Variants in KLHL3 observed in about 807,000 individuals in gnomAD.
KLHL3 encodes the protein kelch-like protein 3.
KLHL3 carries 19 observed loss-of-function variants against 70.5 expected under a neutral mutation model. The ratio of observed to expected loss-of-function variants is 0.27; its 90% confidence interval spans 0.19 to 0.40. The LOEUF is 0.40. Among genes scored for constraint, KLHL3 ranks in the 10% least tolerant of loss-of-function variants. The pLI is 1.00. For synonymous variants in KLHL3, 258 were observed against 290.3 expected (o/e 0.89, Z 1.13); for missense variants, 512 against 771.1 (o/e 0.66, Z 3.98).
chr5:137,681,735 C>T (rs1335729031), intron 5 of KLHL3, among the ~76,000 whole-genome samples: 1 of 152,000 alleles, frequency 6.6e-6, no homozygotes, highest in South Asian at 2.1e-4. Context: ...CTTATCGTTT[C>T]GCTTCTTTTT....
chr5:137,662,491 T>C lies in KLHL3; in HGVS notation c.637-460A>G, dbSNP rs185302155. Among the ~76,000 whole-genome samples the C allele has an allele frequency of 4.6e-5, 7 of 152,306 alleles. No individual in the cohort carries two copies. In the East Asian group the frequency reaches 1.4e-3, roughly 29 times the overall value. ...TCACTTATGTCCCGTGTAAAGTTAA[T>C]GTAGAATAAAAACAGTAAGAATGCC... On this transcript the variant is annotated intron_variant, in intron 6 of 14. Coordinates refer to ENST00000309755, the MANE Select transcript of KLHL3 (RefSeq NM_017415.3).
intron 6 of KLHL3, among the ~76,000 whole-genome samples, chr5:137,663,056 C>CTT (rs139890036): frequency 4.1e-3 from 319 of 77,928 alleles, no homozygotes; most frequent in Non-Finnish European, 4.8e-3. Context: ...AGCACTCGTT[C>CTT]TTTTTTTTTT....
intron 5 of KLHL3, among the ~76,000 whole-genome samples, chr5:137,689,537 G>A (rs1433312918): frequency 6.6e-6 from 1 of 152,216 alleles, no homozygotes; most frequent in Non-Finnish European, 1.5e-5. Flanking sequence ...CATGGACACA[G>A]CTGGAAGCCA....
At chr5:137,714,290 G>T (rs1752853168) in intron 2 of KLHL3, among the ~76,000 whole-genome samples, 1 of 152,038 alleles carries the variant, frequency 6.6e-6, no homozygotes, top group Non-Finnish European at 1.5e-5. Flanking sequence ...TTCCTCCAAA[G>T]ATTAAAGTTG....
intron 2 of KLHL3, among the ~76,000 whole-genome samples, chr5:137,710,740 A>T (rs993083038): frequency 6.6e-6 from 1 of 152,158 alleles, no homozygotes; most frequent in African/African-American, 2.4e-5. Context: ...ATAATAGTTA[A>T]TATTTATTGA....
At chr5:137,709,990 T>C in intron 2 of KLHL3, 134 bp from the exon 3 acceptor site, 1 of 699,424 alleles carries the variant, frequency 1.4e-6, no homozygotes, top group East Asian at 2.7e-5. Context: ...TTGCTCTATC[T>C]TGAGTTAGGG....
At chr5:137,633,137 G>A (rs748737669) in intron 12 of KLHL3, among the ~76,000 whole-genome samples, 79 of 151,894 alleles carry the variant, frequency 5.2e-4, no homozygotes, top group Admixed American at 2.2e-3. Flanking sequence ...AAAATTTGCC[G>A]GGCATGGTGG....
chr5:137,687,755 C>T (rs1353826196), intron 5 of KLHL3, among the ~76,000 whole-genome samples: 2 of 50,196 alleles, frequency 4.0e-5, no homozygotes, highest in Admixed American at 3.9e-4. Context: ...ATTGAGAAAT[C>T]GGATGGTTGC....
chr5:137,682,791 C>A (rs1752064972), intron 5 of KLHL3, among the ~76,000 whole-genome samples: 1 of 152,168 alleles, frequency 6.6e-6, no homozygotes, highest in African/African-American at 2.4e-5. Flanking sequence ...TCTGTATATA[C>A]CGAGCTCTAA....
chr5:137,645,455 A>C (rs1751019768), intron 8 of KLHL3, among the ~76,000 whole-genome samples: 2 of 152,230 alleles, frequency 1.3e-5, no homozygotes, highest in South Asian at 4.1e-4. Context: ...TGAATTGGCA[A>C]AGTGGCAGGA....
chr5:137,676,511 G>A (rs966250985), intron 6 of KLHL3, among the ~76,000 whole-genome samples: 1 of 152,192 alleles, frequency 6.6e-6, no homozygotes, highest in African/African-American at 2.4e-5. Context: ...CAATGAAAAG[G>A]AGAACAAGGT....
chr5:137,679,683 C>A (rs1187243641), intron 5 of KLHL3, among the ~76,000 whole-genome samples: 1 of 152,158 alleles, frequency 6.6e-6, no homozygotes, highest in Non-Finnish European at 1.5e-5. Flanking sequence ...GTAGTCAGCA[C>A]CCCACCTCCA....
At chr5:137,686,838 G>A (rs1287078837) in intron 5 of KLHL3, among the ~76,000 whole-genome samples, 1 of 152,214 alleles carries the variant, frequency 6.6e-6, no homozygotes, top group Non-Finnish European at 1.5e-5. Context: ...TAACATCTTT[G>A]CATCATGGCC....
At position 137,618,419 on chromosome 5, in the gene KLHL3, C is replaced by T. The variant is rs934047696; in HGVS notation, c.*3679G>A. ...CAGAGCCTGGAGTAGAGACATAGCT[C>T]AAGAAGCAAGTTGTAAGTGTAGTGT... On this transcript the variant is annotated 3_prime_UTR_variant, in exon 15 of 15. Transcript: ENST00000309755. 1 of 152,050 alleles carries T rather than the reference C, an allele frequency of 6.6e-6. No homozygotes were observed. 9.4% of individuals were successfully genotyped at this position (152,050 alleles called of 1,614,324 possible). A position where few individuals can be genotyped will look rare whatever the true frequency, so the allele number is the denominator to read the frequency against.
rs189583682 is a variant in KLHL3 at position 137,680,161 on chromosome 5, C to G, written c.527-2507G>C. On this transcript the variant is annotated intron_variant, in intron 5 of 14. Coordinates refer to ENST00000309755, the MANE Select transcript of KLHL3 (RefSeq NM_017415.3). Reference sequence around the variant, plus strand: ...TCCACAGCTGCTTCCTGGAAAGAACCCACTTTGCTCCCAGAAGATACCTTC... The same window carrying G: ...TCCACAGCTGCTTCCTGGAAAGAACGCACTTTGCTCCCAGAAGATACCTTC... Among the ~76,000 whole-genome samples the G allele has an allele frequency of 1.6e-3, 238 of 152,338 alleles. 1 individual carries two copies. The highest frequency in any genetic ancestry group is 5.6e-3 in the African/African-American group (231 of 41,582).
At chr5:137,640,861 C>A (rs186921906) in intron 8 of KLHL3, among the ~76,000 whole-genome samples, 1 of 152,094 alleles carries the variant, frequency 6.6e-6, no homozygotes, top group African/African-American at 2.4e-5. Context: ...ATGACCAGCA[C>A]ATATATTTTT....
intron 8 of KLHL3, among the ~76,000 whole-genome samples, chr5:137,653,482 G>A (rs1349558497): frequency 6.6e-6 from 1 of 152,118 alleles, no homozygotes; most frequent in Non-Finnish European, 1.5e-5. Context: ...AAATATGGGT[G>A]GCAAATAGGC....
chr5:137,689,529 T>C (rs1321724758), intron 5 of KLHL3, among the ~76,000 whole-genome samples: 1 of 152,204 alleles, frequency 6.6e-6, no homozygotes. Flanking sequence ...TGCAGTAACA[T>C]GGACACAGCT....
At chr5:137,683,854 T>C (rs1752097233) in intron 5 of KLHL3, among the ~76,000 whole-genome samples, 1 of 151,948 alleles carries the variant, frequency 6.6e-6, no homozygotes, top group Admixed American at 6.6e-5. Flanking sequence ...ATAGTGCTAT[T>C]GATTCAACAG....
Sources: gnomAD v4.1 joint callset for allele counts (sites outside exome capture counted in the v4.1 genomes callset) on GRCh38, gnomAD v4.1.1 for gene constraint, MANE v1.5 for transcripts, NCBI Gene and HGNC (gene_info 2026-07-23, HGNC 2026-07-21) for gene names.